The following CACNA2D1 variants were observed in gnomAD, a reference collection of about 807,000 sequenced individuals.
CACNA2D1 encodes voltage-dependent calcium channel subunit alpha-2/delta-1.
Under a neutral mutation model 171.5 loss-of-function variants are expected in CACNA2D1, and 53 were observed. That is an observed-to-expected ratio of 0.31 (90% confidence interval 0.25 to 0.39). The LOEUF is 0.39. Ranked by LOEUF, CACNA2D1 falls within the 10% of genes least tolerant of loss-of-function variation. The probability of loss-of-function intolerance (pLI) is 1.00; values close to 1 mark genes in which losing one functional copy is unlikely to be tolerated. For synonymous variants in CACNA2D1, 442 were observed against 443.1 expected (o/e 1.00, Z 0.03); for missense variants, 903 against 1,299.8 (o/e 0.69, Z 4.69).
At chr7:82,443,913 G>C, upstream of CACNA2D1, 1 of 325,314 alleles carries the variant, frequency 3.1e-6, no homozygotes, top group East Asian at 4.6e-5. Flanking sequence ...CAGGCAGAGA[G>C]ACTTGTGGAA....
chr7:82,366,726 G>A (rs1474585704), intron 1 of CACNA2D1, among the ~76,000 whole-genome samples: 2 of 151,700 alleles, frequency 1.3e-5, no homozygotes, highest in Non-Finnish European at 2.9e-5. Flanking sequence ...TTTTCCTTTG[G>A]GTATATATAT....
intron 1 of CACNA2D1, among the ~76,000 whole-genome samples, chr7:82,437,034 A>G (rs912479727): frequency 1.3e-5 from 2 of 152,178 alleles, no homozygotes; most frequent in Non-Finnish European, 2.9e-5. Context: ...CTGTATATCA[A>G]AATCCCTCAA....
intron 1 of CACNA2D1, among the ~76,000 whole-genome samples, chr7:82,351,217 T>C (rs1476156379): frequency 1.3e-5 from 2 of 151,958 alleles, no homozygotes; most frequent in East Asian, 1.9e-4. Context: ...ATGTCTTCTC[T>C]TCCTTAGGGA....
chr7:82,261,510 T>C (rs1807098426), intron 3 of CACNA2D1, among the ~76,000 whole-genome samples: 1 of 152,220 alleles, frequency 6.6e-6, no homozygotes, highest in Non-Finnish European at 1.5e-5. Flanking sequence ...GAGATAAGTA[T>C]TAACGAGAAG....
In CACNA2D1 at chr7:82,436,724, C is replaced by T. The variant is rs115915769; in HGVS notation, c.95+6641G>A. ...TGCCCCACTTACACATCCATCACTC[C>T]TCAGAGTATTTTCACCACAATGCCT... On this transcript the variant is annotated intron_variant, in intron 1 of 38. Transcript: ENST00000356860. 4.5e-3 allele frequency among the ~76,000 whole-genome samples: 691 copies of T among 152,214 alleles called. 11 individuals are homozygous for T. Among genetic ancestry groups the T allele is most frequent in the African/African-American group, 0.015 (637 of 41,540 alleles).
chr7:82,261,866 G>A (rs1206567881), intron 3 of CACNA2D1, among the ~76,000 whole-genome samples: 2 of 152,184 alleles, frequency 1.3e-5, no homozygotes, highest in Non-Finnish European at 2.9e-5. Context: ...TGTGGGAGCT[G>A]ACAAGCCTGT....
At chr7:81,961,820 CAATTTCTTAATGATTATAACAGTAT>C in intron 36 of CACNA2D1, 49 bp downstream of exon 36, 1 of 117,476 alleles carries the variant, frequency 8.5e-6, no homozygotes, top group Non-Finnish European at 1.2e-5. Context: ...ACAGTATATA[CAATTTCTTAATGATTATAACAGTAT>C]ATACAATTTC....
intron 1 of CACNA2D1, among the ~76,000 whole-genome samples, chr7:82,408,488 T>C (rs1827302339): frequency 6.6e-6 from 1 of 152,162 alleles, no homozygotes; most frequent in African/African-American, 2.4e-5. Context: ...TATGAAACTC[T>C]TTGAACCTCT....
chr7:82,066,696 C>A (rs990203881), intron 7 of CACNA2D1, among the ~76,000 whole-genome samples, 172 bp from the exon 8 acceptor site: 2 of 151,986 alleles, frequency 1.3e-5, no homozygotes, highest in Admixed American at 6.6e-5. Context: ...ACATGGAAAA[C>A]AACACGGCAG....
rs768294048 is a variant in CACNA2D1 at position 82,005,378 on chromosome 7, T to C, written c.1590+45A>G. On this transcript the variant is annotated intron_variant, in intron 18 of 38. Coordinates refer to ENST00000356860, the MANE Select transcript of CACNA2D1 (RefSeq NM_000722.4). ...CAATCCTATTAAGAACATTAATCAT[T>C]AATTCTACAAAACACTAATCACTGT... 1.0e-4 allele frequency: 116 copies of C among 1,135,188 alleles called. 1 individual carries two copies. The East Asian group carries it at 2.8e-3, about 28-fold the overall frequency. The allele number at this position is 1,135,188 out of a possible 1,614,324, so 70.3% of individuals were successfully genotyped here.
chr7:82,441,085 AT>A (rs930185614), intron 1 of CACNA2D1, among the ~76,000 whole-genome samples: 6 of 152,004 alleles, frequency 3.9e-5, no homozygotes, highest in Non-Finnish European at 8.8e-5. Context: ...TAAATTTGAA[AT>A]TTTCCCCCAA....
chr7:81,982,372 C>G (rs1796529376), intron 24 of CACNA2D1, among the ~76,000 whole-genome samples, 195 bp downstream of exon 24: 1 of 152,148 alleles, frequency 6.6e-6, no homozygotes, highest in African/African-American at 2.4e-5. Flanking sequence ...TGTGATCCAC[C>G]AGCTTCGGCC....
chr7:82,085,296 C>A (rs185594407), intron 6 of CACNA2D1, among the ~76,000 whole-genome samples: 1 of 152,044 alleles, frequency 6.6e-6, no homozygotes, highest in African/African-American at 2.4e-5. Context: ...TTGTGACATG[C>A]GAAAATGTCT....
intron 3 of CACNA2D1, among the ~76,000 whole-genome samples, chr7:82,243,429 T>C (rs38547): frequency 0.28 from 42,595 of 152,070 alleles, 6,786 homozygotes; most frequent in Non-Finnish European, 0.36. Flanking sequence ...GACTCTTATA[T>C]TTTTCTACAA....
At chr7:82,186,596 T>A (rs997675124) in intron 3 of CACNA2D1, among the ~76,000 whole-genome samples, 4 of 152,178 alleles carry the variant, frequency 2.6e-5, no homozygotes, top group Non-Finnish European at 4.4e-5. Context: ...CGTTACCATG[T>A]ATACAGATAG....
chr7:82,218,180 C>T (rs1224554055), intron 3 of CACNA2D1, among the ~76,000 whole-genome samples: 3 of 152,034 alleles, frequency 2.0e-5, no homozygotes, highest in East Asian at 3.9e-4. Flanking sequence ...GTGATCCACC[C>T]GCCTCAGCCT....
At chr7:82,109,263 A>C (rs1333686991) in intron 6 of CACNA2D1, among the ~76,000 whole-genome samples, 1 of 152,174 alleles carries the variant, frequency 6.6e-6, no homozygotes, top group African/African-American at 2.4e-5. Flanking sequence ...AAAAATCAAT[A>C]AACACAAAAC....
At chr7:82,242,007 A>G (rs907751849) in intron 3 of CACNA2D1, among the ~76,000 whole-genome samples, 3 of 152,116 alleles carry the variant, frequency 2.0e-5, no homozygotes, top group Admixed American at 6.6e-5. Flanking sequence ...TTTTAAAATC[A>G]TTCTCCAATA....
intron 19 of CACNA2D1, among the ~76,000 whole-genome samples, chr7:81,995,162 A>T (rs1188934646): frequency 6.6e-6 from 1 of 152,186 alleles, no homozygotes; most frequent in Non-Finnish European, 1.5e-5. Context: ...AACACCCTTA[A>T]TGAAATATTT....
Sources: gnomAD v4.1 joint callset for allele counts (sites outside exome capture counted in the v4.1 genomes callset) on GRCh38, gnomAD v4.1.1 for gene constraint, MANE v1.5 for transcripts, NCBI Gene and HGNC (gene_info 2026-07-23, HGNC 2026-07-21) for gene names.